Variants in SGCD observed in about 807,000 individuals in gnomAD.
The protein encoded by SGCD is delta-sarcoglycan.
A neutral mutation model predicts 36.6 loss-of-function variants in SGCD; 18 were observed. That is an observed-to-expected ratio of 0.49 (90% CI 0.34 to 0.73). SGCD has a LOEUF of 0.73. Ranked by LOEUF, SGCD falls within the 30% of genes least tolerant of loss-of-function variation. SGCD has a pLI of 0.01. For missense variants in SGCD, 387 were observed against 346.7 expected (o/e 1.12, Z -0.92); for synonymous variants, 133 against 130.6 (o/e 1.02, Z -0.12).
intron 1 of SGCD, among the ~76,000 whole-genome samples, chr5:156,006,529 A>G (rs1187786900): frequency 6.6e-6 from 1 of 152,212 alleles, no homozygotes; most frequent in Non-Finnish European, 1.5e-5. Flanking sequence ...CATGCCATGT[A>G]TCTAATCATT....
At chr5:156,535,402 G>T (rs990014551) in intron 4 of SGCD, among the ~76,000 whole-genome samples, 1 of 152,154 alleles carries the variant, frequency 6.6e-6, no homozygotes, top group African/African-American at 2.4e-5. Context: ...CTTATGACAT[G>T]TTAGCAACGT....
intron 7 of SGCD, among the ~76,000 whole-genome samples, chr5:156,735,038 CA>C (rs1756278190): frequency 6.6e-6 from 1 of 152,162 alleles, no homozygotes; most frequent in South Asian, 2.1e-4. Flanking sequence ...TTGTTTTAAA[CA>C]GTCTGGCCAC....
chr5:156,492,513 ATT>A lies in SGCD; in HGVS notation c.193-16085_193-16084del, dbSNP rs1407703697. ...CAAAGACAGTCAGCTTTATTTACCTATTTTAAATGATAAAATTAAATAGTATA... is the reference window on the plus strand; with the variant it reads ...CAAAGACAGTCAGCTTTATTTACCTATTAAATGATAAAATTAAATAGTATA... On this transcript the variant is annotated intron_variant, in intron 3 of 8. Transcript: ENST00000337851. Among the ~76,000 whole-genome samples, 3 of 152,154 alleles carry A rather than the reference ATT, an allele frequency of 2.0e-5. No homozygotes were observed. The East Asian group carries it at 5.8e-4, about 29-fold the overall frequency.
chr5:155,811,447 T>C, the SGCD span, among the ~76,000 whole-genome samples: 3 of 152,230 alleles, frequency 2.0e-5, no homozygotes, highest in African/African-American at 7.2e-5. Flanking sequence ...GAAGCACTCA[T>C]TTATGGTCCA....
At chr5:156,669,210 C>T (rs368173970) in intron 7 of SGCD, among the ~76,000 whole-genome samples, 14 of 152,250 alleles carry the variant, frequency 9.2e-5, no homozygotes, top group African/African-American at 2.9e-4. Flanking sequence ...CGCAGCTGAT[C>T]GTCAGTGGGC....
chr5:155,951,436 A>G (rs1757546245), intron 1 of SGCD, among the ~76,000 whole-genome samples: 1 of 152,170 alleles, frequency 6.6e-6, no homozygotes, highest in Non-Finnish European at 1.5e-5. Flanking sequence ...AGTAGAATGT[A>G]TTATGTGATT....
intron 3 of SGCD, among the ~76,000 whole-genome samples, chr5:156,282,311 G>A (rs992316721): frequency 1.3e-5 from 2 of 152,132 alleles, no homozygotes; most frequent in Non-Finnish European, 2.9e-5. Flanking sequence ...TTTATTTTCT[G>A]ATGCAACGCA....
At chr5:156,131,370 A>T (rs753734461) in intron 3 of SGCD, among the ~76,000 whole-genome samples, 22 of 152,180 alleles carry the variant, frequency 1.4e-4, no homozygotes, top group Non-Finnish European at 2.1e-4. Flanking sequence ...TAGGATGGGG[A>T]TGATTCTCAT....
intron 4 of SGCD, among the ~76,000 whole-genome samples, chr5:156,535,922 A>G (rs1225000514): frequency 6.6e-6 from 1 of 152,200 alleles, no homozygotes; most frequent in African/African-American, 2.4e-5. Context: ...TATTATTTAC[A>G]CAGTAAAAGT....
At chr5:156,448,079 T>A (rs1225932037) in intron 3 of SGCD, among the ~76,000 whole-genome samples, 1 of 152,172 alleles carries the variant, frequency 6.6e-6, no homozygotes, top group Non-Finnish European at 1.5e-5. Flanking sequence ...TTCACTGTAT[T>A]CTGCCTTTGA....
At chr5:156,011,157 A>G (rs1393990294) in intron 1 of SGCD, among the ~76,000 whole-genome samples, 1 of 152,218 alleles carries the variant, frequency 6.6e-6, no homozygotes, top group Non-Finnish European at 1.5e-5. Context: ...TCTATTCTAG[A>G]TACTGAACTA....
At chr5:156,741,288 A>G (rs1337541488) in intron 7 of SGCD, among the ~76,000 whole-genome samples, 1 of 152,250 alleles carries the variant, frequency 6.6e-6, no homozygotes, top group Non-Finnish European at 1.5e-5. Flanking sequence ...TTTCAACAAA[A>G]AATGAGCCTG....
At chr5:156,151,880 A>G (rs1762843617) in intron 3 of SGCD, among the ~76,000 whole-genome samples, 1 of 151,160 alleles carries the variant, frequency 6.6e-6, no homozygotes, top group African/African-American at 2.5e-5. Context: ...TCTCCAAGGA[A>G]GGCCCTCTAG....
intron 1 of SGCD, among the ~76,000 whole-genome samples, chr5:155,970,420 A>T (rs1366149023): frequency 3.9e-5 from 6 of 152,166 alleles, no homozygotes; most frequent in Non-Finnish European, 8.8e-5. Flanking sequence ...ATCCGATGTG[A>T]ATTATGTGTT....
At chr5:155,745,766 G>A in the SGCD span, among the ~76,000 whole-genome samples, 1 of 152,108 alleles carries the variant, frequency 6.6e-6, no homozygotes, top group Non-Finnish European at 1.5e-5. Flanking sequence ...ATTAGTACTT[G>A]GGGAAATGCA....
intron 1 of SGCD, among the ~76,000 whole-genome samples, chr5:156,090,419 C>T (rs779966406): frequency 5.3e-5 from 8 of 152,010 alleles, no homozygotes; most frequent in Admixed American, 1.3e-4. Context: ...ACTGTGATGG[C>T]GACCTCGAGC....
At chr5:156,574,449 A>T (rs987323164) in intron 4 of SGCD, among the ~76,000 whole-genome samples, 2 of 152,142 alleles carry the variant, frequency 1.3e-5, no homozygotes, top group African/African-American at 4.8e-5. Flanking sequence ...GTACATTATT[A>T]TCCCCATTTT....
intron 3 of SGCD, among the ~76,000 whole-genome samples, chr5:156,397,729 C>T (rs759167097): frequency 6.6e-5 from 10 of 152,144 alleles, no homozygotes; most frequent in Non-Finnish European, 1.2e-4. Flanking sequence ...ACCAGCCACG[C>T]GGAGCCCTCC....
At chr5:155,834,662 G>T in the SGCD span, among the ~76,000 whole-genome samples, 15 of 151,896 alleles carry the variant, frequency 9.9e-5, no homozygotes, top group Admixed American at 9.9e-4. Context: ...CAATTCTTTC[G>T]TGCTTTTCAC....
Sources: allele counts gnomAD v4.1 joint callset (sites outside exome capture counted in the v4.1 genomes callset), GRCh38; gene constraint gnomAD v4.1.1; transcripts MANE v1.5; gene names NCBI Gene and HGNC (gene_info 2026-07-23, HGNC 2026-07-21).